ZFAND6: variants seen among roughly 807,000 people sequenced by gnomAD.
The protein encoded by ZFAND6 is AN1-type zinc finger protein 6.
ZFAND6 carries 12 observed loss-of-function variants against 24.5 expected under a neutral mutation model. The observed-to-expected ratio is 0.49, with a 90% CI of 0.31 to 0.79. The LOEUF is 0.79. ZFAND6 is among the 30% of genes least tolerant of loss of function. The pLI, the probability that ZFAND6 is intolerant of heterozygous loss-of-function variation, is 0.04. For synonymous variants in ZFAND6, 92 were observed against 81.5 expected (o/e 1.13, Z -0.69); for missense variants, 207 against 245.9 (o/e 0.84, Z 1.06).
intron 1 of ZFAND6, among the ~76,000 whole-genome samples, chr15:80,064,199 C>T (rs1456322706): frequency 6.6e-6 from 1 of 152,190 alleles, no homozygotes. Flanking sequence ...GTCTGTCTTA[C>T]AATCACTGAA....
chr15:80,094,110 A>C lies in ZFAND6; in HGVS notation c.-180-4306A>C, dbSNP rs1176305037. 2.0e-5 allele frequency among the ~76,000 whole-genome samples: 3 copies of C among 152,188 alleles called. No homozygotes were observed. In the East Asian group the frequency reaches 5.8e-4, roughly 29 times the overall value. On this transcript the variant is annotated intron_variant, in intron 1 of 6. Coordinates refer to ENST00000261749, the MANE Select transcript of ZFAND6 (RefSeq NM_019006.4). ...AATCTGGTTCTTTTAGCTATTTAGA[A>C]TCCTTGGAACATGAGGTTCAGATGC... is the stretch of plus-strand genomic sequence containing the variant.
At chr15:80,062,125 C>A (rs948273873) in intron 1 of ZFAND6, among the ~76,000 whole-genome samples, 6 of 152,180 alleles carry the variant, frequency 3.9e-5, no homozygotes, top group Non-Finnish European at 4.4e-5. Flanking sequence ...ATTATCCTTT[C>A]TGCTGTTCCT....
chr15:80,061,301 C>A (rs1239667323), intron 1 of ZFAND6, among the ~76,000 whole-genome samples: 1 of 152,114 alleles, frequency 6.6e-6, no homozygotes, highest in Non-Finnish European at 1.5e-5. Context: ...TCAGAACTTA[C>A]ACGTTTTACA....
intron 5 of ZFAND6, chr15:80,130,695 A>G (rs559354688): frequency 1.3e-5 from 2 of 153,226 alleles, no homozygotes; most frequent in East Asian, 3.8e-4. Context: ...AAGTGCTTTT[A>G]TGTGAAACAT....
chr15:80,079,167 T>A (rs1411201729), intron 1 of ZFAND6, among the ~76,000 whole-genome samples: 1 of 152,132 alleles, frequency 6.6e-6, no homozygotes, highest in Admixed American at 6.6e-5. Context: ...TTGTCAGAGG[T>A]GCAGTTTGTG....
intron 1 of ZFAND6, among the ~76,000 whole-genome samples, chr15:80,064,013 G>A (rs1030575877): frequency 1.8e-4 from 28 of 152,160 alleles, no homozygotes; most frequent in African/African-American, 2.9e-4. Context: ...TCAAGTGCTC[G>A]GTAGCCACAT....
intron 1 of ZFAND6, among the ~76,000 whole-genome samples, chr15:80,075,653 T>C (rs1449019775): frequency 6.6e-6 from 1 of 152,044 alleles, no homozygotes; most frequent in Non-Finnish European, 1.5e-5. Flanking sequence ...CCAAATAATA[T>C]GAGGAAAAAA....
intron 5 of ZFAND6, among the ~76,000 whole-genome samples, chr15:80,128,764 A>G (rs954677875): frequency 6.6e-6 from 1 of 152,154 alleles, no homozygotes; most frequent in East Asian, 1.9e-4. Flanking sequence ...CCTTCACTTT[A>G]AAGACTGCAT....
chr15:80,088,644 C>T (rs1338977393), intron 1 of ZFAND6, among the ~76,000 whole-genome samples: 1 of 152,224 alleles, frequency 6.6e-6, no homozygotes, highest in African/African-American at 2.4e-5. Flanking sequence ...TGAGTTTTCT[C>T]AATTTCCTGC....
intron 1 of ZFAND6, among the ~76,000 whole-genome samples, chr15:80,093,832 G>A (rs2038542532): frequency 6.6e-6 from 1 of 152,222 alleles, no homozygotes; most frequent in African/African-American, 2.4e-5. Context: ...TACTGGAGAA[G>A]TCTTGTCTCT....
At chr15:80,113,639 T>G (rs2039721473) in intron 2 of ZFAND6, among the ~76,000 whole-genome samples, 1 of 152,178 alleles carries the variant, frequency 6.6e-6, no homozygotes, top group Non-Finnish European at 1.5e-5. Context: ...TCTCCCCTTT[T>G]CAACAGAATA....
intron 5 of ZFAND6, among the ~76,000 whole-genome samples, chr15:80,125,266 A>G (rs2040327389): frequency 6.6e-6 from 1 of 152,164 alleles, no homozygotes; most frequent in Admixed American, 6.5e-5. Flanking sequence ...TTCTCAGGGT[A>G]GGATCAACTC....
chr15:80,066,407 G>T (rs1366746717), intron 1 of ZFAND6, among the ~76,000 whole-genome samples: 1 of 151,824 alleles, frequency 6.6e-6, no homozygotes, highest in Non-Finnish European at 1.5e-5. Flanking sequence ...CTGCCTCCTG[G>T]GTTCAAGCAA....
intron 5 of ZFAND6, chr15:80,123,077 C>T (rs2040217354): frequency 3.8e-6 from 1 of 264,578 alleles, no homozygotes; most frequent in South Asian, 6.5e-5. Flanking sequence ...ACACTGTTCT[C>T]TTTTACTATT....
At chr15:80,132,090 T>A (rs2040630901) in intron 6 of ZFAND6, among the ~76,000 whole-genome samples, 1 of 152,216 alleles carries the variant, frequency 6.6e-6, no homozygotes, top group Admixed American at 6.5e-5. Flanking sequence ...GACTGTTGTG[T>A]ACTGCAGTCC....
intron 1 of ZFAND6, among the ~76,000 whole-genome samples, chr15:80,091,383 C>T (rs1292402463): frequency 6.6e-6 from 1 of 152,146 alleles, no homozygotes; most frequent in African/African-American, 2.4e-5. Flanking sequence ...CTTCATTCTT[C>T]TAATCATTTT....
rs76892548 is a variant in ZFAND6, at chr15:80,087,226, A to G, written c.-180-11190A>G. On this transcript the variant is annotated intron_variant, in intron 1 of 6. Coordinates refer to ENST00000261749, the MANE Select transcript of ZFAND6 (RefSeq NM_019006.4). Reference sequence around the variant, plus strand: ...AATTGCATGTTTAACTTCATACGAAATGGTCAAACTGTTTTCCCAAGTGGC... The same window carrying G: ...AATTGCATGTTTAACTTCATACGAAGTGGTCAAACTGTTTTCCCAAGTGGC... Among the ~76,000 whole-genome samples, 1,374 of 152,342 alleles carry G rather than the reference A, an allele frequency of 9.0e-3. 11 individuals carry two copies. Among genetic ancestry groups the G allele is most frequent in the Middle Eastern group, 0.02 (6 of 294 alleles).
At chr15:80,074,430 A>G (rs2037150349) in intron 1 of ZFAND6, among the ~76,000 whole-genome samples, 1 of 151,852 alleles carries the variant, frequency 6.6e-6, no homozygotes, top group Non-Finnish European at 1.5e-5. Flanking sequence ...AAGAAAATAT[A>G]TCAGAAACAT....
intron 1 of ZFAND6, among the ~76,000 whole-genome samples, chr15:80,068,664 G>A (rs994408981): frequency 2.0e-5 from 3 of 152,208 alleles, no homozygotes; most frequent in South Asian, 2.1e-4. Flanking sequence ...GAGCTACCGC[G>A]CTCAGCCGGT....
Sources: gnomAD v4.1 joint callset for allele counts (sites outside exome capture counted in the v4.1 genomes callset) on GRCh38, gnomAD v4.1.1 for gene constraint, MANE v1.5 for transcripts, NCBI Gene and HGNC (gene_info 2026-07-23, HGNC 2026-07-21) for gene names.